CENPU: variants seen among roughly 807,000 people sequenced by gnomAD.
The protein encoded by CENPU is centromere protein U.
A neutral mutation model predicts 56.7 loss-of-function variants in CENPU; 46 were observed. That is an observed-to-expected ratio of 0.81 (90% CI 0.64 to 1.04). The LOEUF is 1.04. Ranked by LOEUF, CENPU falls within the 50% of genes least tolerant of loss-of-function variation. The pLI, the probability that CENPU is intolerant of heterozygous loss-of-function variation, is 0.00. For missense variants in CENPU, 510 were observed against 490.1 expected (o/e 1.04, Z -0.38); for synonymous variants, 166 against 163.0 (o/e 1.02, Z -0.14).
chr4:184,733,145 G>A (rs2150235702), intron 1 of CENPU, among the ~76,000 whole-genome samples: 1 of 152,270 alleles, frequency 6.6e-6, no homozygotes, highest in South Asian at 2.1e-4. Context: ...CTTTTCAGCT[G>A]ACATTGAAGG....
At position 184,702,358 on chromosome 4, in the gene CENPU, C is replaced by T. The variant is rs760415126; in HGVS notation, c.876+5G>A. 2 of 1,610,982 alleles carry T rather than the reference C, an allele frequency of 1.2e-6. No individual in the cohort carries two copies. Among genetic ancestry groups the T allele is most frequent in the East Asian group, 2.2e-5 (1 of 44,798 alleles). ...AGACCAACAAATGCATGTCCGTGAG[C>T]TTACCATTTTGATGAATTGTTCTTT... On this transcript the variant is annotated splice_donor_5th_base_variant and intron_variant, in intron 9 of 12. Coordinates refer to ENST00000281453, the MANE Select transcript of CENPU (RefSeq NM_024629.4).
At chr4:184,728,820 C>G (rs1282108035) in intron 3 of CENPU, 98 bp downstream of exon 3, 12 of 866,048 alleles carry the variant, frequency 1.4e-5, no homozygotes, top group Admixed American at 7.0e-5. Context: ...ATGCAGGCAA[C>G]TAATTTTTAT....
intron 8 of CENPU, among the ~76,000 whole-genome samples, chr4:184,708,839 T>A (rs763091727): frequency 1.3e-5 from 2 of 152,012 alleles, no homozygotes; most frequent in Non-Finnish European, 2.9e-5. Context: ...TGCAAGAAAA[T>A]ATATGAGATA....
intron 4 of CENPU, among the ~76,000 whole-genome samples, chr4:184,721,073 C>A (rs1190307887): frequency 6.6e-6 from 1 of 151,962 alleles, no homozygotes; most frequent in Non-Finnish European, 1.5e-5. Flanking sequence ...AAAACATAAA[C>A]AGTACAATAA....
At chr4:184,711,872 C>T (rs1760936279) in intron 7 of CENPU, among the ~76,000 whole-genome samples, 1 of 152,042 alleles carries the variant, frequency 6.6e-6, no homozygotes, top group Non-Finnish European at 1.5e-5. Flanking sequence ...CCTGTAATCC[C>T]AGCACTTTGG....
intron 12 of CENPU, among the ~76,000 whole-genome samples, chr4:184,696,621 G>A (rs766768100): frequency 6.6e-6 from 1 of 151,874 alleles, no homozygotes; most frequent in Non-Finnish European, 1.5e-5. Flanking sequence ...ATTTAGATCA[G>A]TGTCAAAACC....
intron 8 of CENPU, among the ~76,000 whole-genome samples, chr4:184,707,484 T>C (rs1760767001): frequency 6.6e-6 from 1 of 152,150 alleles, no homozygotes; most frequent in Non-Finnish European, 1.5e-5. Context: ...TGGGCAGCTG[T>C]TTCCTCACCC....
At chr4:184,723,297 C>CT (rs1761339068) in intron 4 of CENPU, among the ~76,000 whole-genome samples, 3 of 152,132 alleles carry the variant, frequency 2.0e-5, no homozygotes, top group African/African-American at 7.2e-5. Context: ...TTCATATTTA[C>CT]TTTTATATGC....
In CENPU at chr4:184,710,115, T is replaced by A; in HGVS notation, c.754A>T (p.Asn252Tyr). 10 of 1,612,148 alleles carry A rather than the reference T, an allele frequency of 6.2e-6. No individual in the cohort carries two copies. Among genetic ancestry groups the A allele is most frequent in the Non-Finnish European group, 8.5e-6 (10 of 1,178,888 alleles). Residue 252 changes from asparagine to tyrosine, a missense_variant, in exon 8 of 13, where the codon AAT (asparagine) becomes TAT (tyrosine). Transcript: ENST00000281453. The stretch of plus-strand genomic sequence containing the variant: ...TTCTCAAATTCAGGCAAAACAATAT[T>A]CAACTCCTTGATGTCACTGGTTTTC... ...GMKTSDIKEL[N>Y]IVLPEFEKTH...
At position 184,694,808 on chromosome 4, in the gene CENPU, AGG is replaced by A; in HGVS notation, c.*478_*479del. The stretch of plus-strand genomic sequence containing the variant: ...ATTCACTATGAACACTTTTGTCACC[AGG>A]CTATAATTTGCCTGATGTCTGTGAG... On this transcript the variant is annotated 3_prime_UTR_variant, in exon 13 of 13. Coordinates refer to ENST00000281453, the MANE Select transcript of CENPU (RefSeq NM_024629.4). 1 of 1,573,682 alleles carries A rather than the reference AGG, an allele frequency of 6.4e-7. No individual in the cohort carries two copies. Among genetic ancestry groups the A allele is most frequent in the East Asian group, 2.3e-5 (1 of 44,236 alleles).
chr4:184,721,504 G>A (rs1021579880), intron 4 of CENPU, among the ~76,000 whole-genome samples: 21 of 102,274 alleles, frequency 2.1e-4, no homozygotes, highest in Middle Eastern at 5.0e-3. Flanking sequence ...TTGCCTACAA[G>A]AAACACATTT....
intron 4 of CENPU, among the ~76,000 whole-genome samples, chr4:184,722,207 A>G (rs1268607703): frequency 1.3e-5 from 2 of 152,210 alleles, no homozygotes; most frequent in Non-Finnish European, 2.9e-5. Context: ...ATGGAAACAC[A>G]ACATACCAAA....
rs1368948431 is a variant in CENPU, at chr4:184,733,603, G to A, written c.47+413C>T. Among the ~76,000 whole-genome samples, 3 of 152,230 alleles carry A rather than the reference G, an allele frequency of 2.0e-5. No individual in the cohort carries two copies. The East Asian group carries it at 5.8e-4, about 29-fold the overall frequency. On this transcript the variant is annotated intron_variant, in intron 1 of 12. Transcript: ENST00000281453. ...GTTTACGGTCTGTGGTTTGCAGTAA[G>A]AAAACACCAGGGTCTTCAAAATAAG...
At chr4:184,728,829 A>AT in intron 3 of CENPU, 89 bp downstream of exon 3, 1 of 930,934 alleles carries the variant, frequency 1.1e-6, no homozygotes, top group Non-Finnish European at 1.7e-6. Context: ...ACTAATTTTT[A>AT]TATTTGAAGA....
intron 8 of CENPU, among the ~76,000 whole-genome samples, chr4:184,704,253 T>C (rs1760645125): frequency 6.6e-6 from 1 of 152,148 alleles, no homozygotes; most frequent in Non-Finnish European, 1.5e-5. Context: ...TTTTTAACTT[T>C]TTTGTAGAAA....
rs985665121 is a variant in CENPU at position 184,702,503 on chromosome 4, C to T, written c.798-62G>A. On this transcript the variant is annotated intron_variant, in intron 8 of 12. Transcript: ENST00000281453. ...TGGATTTTGAAAGGTGTTTCATTTGCTTAGCATACAAACAAACATACACAT... is the reference window on the plus strand; with the variant it reads ...TGGATTTTGAAAGGTGTTTCATTTGTTTAGCATACAAACAAACATACACAT... The T allele has an allele frequency of 1.1e-5, 13 of 1,221,704 alleles. No individual in the cohort carries two copies. In the Admixed American group the frequency reaches 2.9e-4, roughly 27 times the overall value. The allele number at this position is 1,221,704 out of a possible 1,614,324, so 75.7% of individuals were successfully genotyped here.
In CENPU at chr4:184,734,035, GC is replaced by G. The variant is rs1406923796; in HGVS notation, c.27del (p.Arg10GlyfsTer15). ...ACTTACCCCTCAGACCTGTGAGGCC[GC>G]GGCCGCCGCCGCCCCCGCGGGGCCA... MAPRGRRRPRPHRSEGARR... is the reference protein window; with the variant it reads MAPRGRRRXRPHRSEGARR... On this transcript the variant is annotated frameshift_variant, in exon 1 of 13. Transcript: ENST00000281453. LOFTEE classifies it high-confidence loss of function. 2.4e-5 allele frequency: 38 copies of G among 1,584,218 alleles called. No individual in the cohort carries two copies. In the East Asian group the frequency reaches 6.8e-4, roughly 28 times the overall value.
chr4:184,711,316 T>C (rs1168607313), intron 7 of CENPU, among the ~76,000 whole-genome samples: 2 of 152,212 alleles, frequency 1.3e-5, no homozygotes, highest in Non-Finnish European at 2.9e-5. Flanking sequence ...TGTACATATT[T>C]ATGGGTATGG....
intron 8 of CENPU, among the ~76,000 whole-genome samples, chr4:184,707,424 G>A (rs940080014): frequency 6.6e-6 from 1 of 152,112 alleles, no homozygotes; most frequent in African/African-American, 2.4e-5. Flanking sequence ...GACTGAAACT[G>A]GGGTTGGACT....
Sources: allele counts gnomAD v4.1 joint callset (sites outside exome capture counted in the v4.1 genomes callset), GRCh38; gene constraint gnomAD v4.1.1; transcripts MANE v1.5; gene names NCBI Gene and HGNC (gene_info 2026-07-23, HGNC 2026-07-21).